Variants in DIS3L2 observed in about 807,000 individuals in gnomAD.
DIS3L2 encodes the protein DIS3 like 3'-5' exoribonuclease 2.
A neutral mutation model predicts 97.5 loss-of-function variants in DIS3L2; 34 were observed. That is an observed-to-expected ratio of 0.35 (90% CI 0.27 to 0.46). The LOEUF is 0.46. Among genes scored for constraint, DIS3L2 ranks in the 20% least tolerant of loss-of-function variants. The pLI, the probability that DIS3L2 is intolerant of heterozygous loss-of-function variation, is 1.00. For missense variants in DIS3L2, 1,038 were observed against 1,146.0 expected (o/e 0.91, Z 1.36); for synonymous variants, 435 against 445.2 (o/e 0.98, Z 0.29).
intron 6 of DIS3L2, among the ~76,000 whole-genome samples, chr2:232,093,634 GAATTTATC>G (rs1225425741): frequency 3.3e-5 from 5 of 152,028 alleles, no homozygotes; most frequent in African/African-American, 1.2e-4. Context: ...ATGTGTCTAG[GAATTTATC>G]AATTTCCTAC....
At chr2:231,966,276 C>G (rs1357612581) in intron 1 of DIS3L2, among the ~76,000 whole-genome samples, 1 of 149,594 alleles carries the variant, frequency 6.7e-6, no homozygotes, top group African/African-American at 2.5e-5. Flanking sequence ...TGAAGTGATT[C>G]TCCAGCCTCA....
At chr2:231,988,359 G>C (rs1158910673) in intron 1 of DIS3L2, among the ~76,000 whole-genome samples, 1 of 152,194 alleles carries the variant, frequency 6.6e-6, no homozygotes, top group African/African-American at 2.4e-5. Flanking sequence ...TAGAGTGAGG[G>C]TTGTCTTTGT....
chr2:232,320,729 A>G (rs1033758794), intron 14 of DIS3L2, among the ~76,000 whole-genome samples: 1 of 152,224 alleles, frequency 6.6e-6, no homozygotes, highest in African/African-American at 2.4e-5. Flanking sequence ...TGGAGCAAAC[A>G]AGCAAGTCAT....
chr2:232,261,441 G>A (rs1316539082), intron 12 of DIS3L2, among the ~76,000 whole-genome samples: 5 of 152,092 alleles, frequency 3.3e-5, no homozygotes, highest in South Asian at 2.1e-4. Context: ...CTCCGCTTCC[G>A]ATGCCCCCAC....
chr2:232,024,491 G>A (rs1012585444), intron 4 of DIS3L2, among the ~76,000 whole-genome samples, 161 bp downstream of exon 4: 1 of 152,050 alleles, frequency 6.6e-6, no homozygotes, highest in African/African-American at 2.4e-5. Flanking sequence ...ATTTTCTTTT[G>A]GTTAACAACC....
In DIS3L2 at chr2:231,981,620, A is replaced by G. The variant is rs904148686; in HGVS notation, c.-94+19855A>G. Among the ~76,000 whole-genome samples, 34 of 142,454 alleles carry G rather than the reference A, an allele frequency of 2.4e-4. 1 individual carries two copies. Among genetic ancestry groups the G allele is most frequent in the African/African-American group, 8.4e-4 (33 of 39,466 alleles). 93.5% of individuals were successfully genotyped at this position (142,454 alleles called of 152,430 possible). ...ATTTTATATATATATATATATATAT[A>G]TATATATATATATATATGAGACATA... On this transcript the variant is annotated intron_variant, in intron 1 of 20. Transcript: ENST00000325385.
At chr2:232,333,050 C>G (rs1489806737) in intron 16 of DIS3L2, among the ~76,000 whole-genome samples, 1 of 151,858 alleles carries the variant, frequency 6.6e-6, no homozygotes, top group African/African-American at 2.4e-5. Flanking sequence ...CTCCAGCAGA[C>G]AGCGTCTGCA....
intron 9 of DIS3L2, among the ~76,000 whole-genome samples, chr2:232,203,863 A>T (rs11902931): frequency 0.011 from 1,719 of 152,256 alleles, 25 homozygotes; most frequent in African/African-American, 0.04. Flanking sequence ...GACATTGGAG[A>T]TTGGTAGAGT....
rs114740381 is a variant in DIS3L2, at chr2:232,049,515, G to A, written c.366+19435G>A. ...TCGTACTCTTGCCCTTCTGCCTTCC[G>A]ACTTCTACCTTCTGTCCACATGATG... On this transcript the variant is annotated intron_variant, in intron 5 of 20. Coordinates refer to ENST00000325385, the MANE Select transcript of DIS3L2 (RefSeq NM_152383.5). Among the ~76,000 whole-genome samples the A allele has an allele frequency of 3.9e-3, 593 of 152,170 alleles. 3 individuals carry two copies. The highest frequency in any genetic ancestry group is 0.014 in the African/African-American group (561 of 41,512).
At chr2:232,277,406 CTT>C (rs752218375) in intron 13 of DIS3L2, among the ~76,000 whole-genome samples, 2 of 152,162 alleles carry the variant, frequency 1.3e-5, no homozygotes, top group East Asian at 3.8e-4. Context: ...AATTAATACT[CTT>C]ATGCATAAAA....
chr2:232,148,407 G>T (rs112555778), intron 8 of DIS3L2, among the ~76,000 whole-genome samples: 1 of 152,222 alleles, frequency 6.6e-6, no homozygotes. Context: ...TCAGCATGCT[G>T]ATCTGTTAGA....
In DIS3L2 at chr2:232,256,186, T is replaced by G. The variant is rs542321063; in HGVS notation, c.1425+6840T>G. 4.6e-5 allele frequency among the ~76,000 whole-genome samples: 7 copies of G among 152,374 alleles called. No homozygotes were observed. The East Asian group carries it at 1.3e-3, about 29-fold the overall frequency. ...TGGTAACTTTTTCCTTGTTCTTTTC[T>G]GCCTGTCTTCTGTGCTGGAAATGCA... On this transcript the variant is annotated intron_variant, in intron 12 of 20. Transcript: ENST00000325385.
intron 12 of DIS3L2, among the ~76,000 whole-genome samples, chr2:232,262,688 A>T (rs1036201539): frequency 1.1e-4 from 16 of 152,228 alleles, no homozygotes; most frequent in South Asian, 4.1e-4. Flanking sequence ...TTCTGTCTCT[A>T]CATATGTGCC....
At chr2:232,044,116 G>A (rs1695176969) in intron 5 of DIS3L2, among the ~76,000 whole-genome samples, 1 of 145,686 alleles carries the variant, frequency 6.9e-6, no homozygotes, top group Admixed American at 7.2e-5. Context: ...AGAGGCAGGG[G>A]TGGTGGTGGT....
At chr2:231,979,573 G>A (rs930994746) in intron 1 of DIS3L2, among the ~76,000 whole-genome samples, 41 of 151,650 alleles carry the variant, frequency 2.7e-4, no homozygotes, top group African/African-American at 9.9e-4. Flanking sequence ...GACGGAGTCA[G>A]GTATTTATTT....
chr2:232,099,376 C>T lies in DIS3L2; in HGVS notation c.601+11655C>T, dbSNP rs139154417. On this transcript the variant is annotated intron_variant, in intron 6 of 20. Coordinates refer to ENST00000325385, the MANE Select transcript of DIS3L2 (RefSeq NM_152383.5). ...GATTACAGATGTACACCATCACACC[C>T]AGATAATTTTTGTATTTTTAGTACA... Among the ~76,000 whole-genome samples the T allele has an allele frequency of 3.4e-3, 513 of 152,078 alleles. 7 individuals are homozygous for T. Among genetic ancestry groups the T allele is most frequent in the African/African-American group, 0.012 (478 of 41,480 alleles).
At chr2:232,185,217 C>T (rs1008458895) in intron 9 of DIS3L2, among the ~76,000 whole-genome samples, 33 of 152,164 alleles carry the variant, frequency 2.2e-4, no homozygotes, top group African/African-American at 7.7e-4. Flanking sequence ...CAAACTTCAG[C>T]TCATGTGAAA....
intron 9 of DIS3L2, among the ~76,000 whole-genome samples, chr2:232,183,719 C>T (rs1691356182): frequency 6.6e-6 from 1 of 152,196 alleles, no homozygotes; most frequent in Admixed American, 6.5e-5. Context: ...AGATAGCTGC[C>T]ATGTTAAATA....
chr2:232,155,765 C>T (rs1246262125), intron 8 of DIS3L2, among the ~76,000 whole-genome samples: 8 of 151,834 alleles, frequency 5.3e-5, no homozygotes, highest in Non-Finnish European at 8.8e-5. Flanking sequence ...CCGAGGCGGG[C>T]AGATCACGAG....
Sources: gnomAD v4.1 joint callset for allele counts (sites outside exome capture counted in the v4.1 genomes callset) on GRCh38, gnomAD v4.1.1 for gene constraint, MANE v1.5 for transcripts, NCBI Gene and HGNC (gene_info 2026-07-23, HGNC 2026-07-21) for gene names.